The following COL22A1 variants were observed in gnomAD, a reference collection of about 807,000 sequenced individuals.
The protein encoded by COL22A1 is collagen alpha-1(XXII) chain.
COL22A1 carries 221 observed loss-of-function variants against 248.9 expected under a neutral mutation model. The observed-to-expected ratio is 0.89, with a 90% confidence interval of 0.80 to 0.99. The LOEUF (loss-of-function observed/expected upper bound fraction) is 0.99. COL22A1 is among the 50% of genes least tolerant of loss of function. The probability of loss-of-function intolerance (pLI) is 0.00; values close to 1 mark genes in which losing one functional copy is unlikely to be tolerated. For synonymous variants in COL22A1, 891 were observed against 793.4 expected (o/e 1.12, Z -2.07); for missense variants, 2,240 against 2,179.0 (o/e 1.03, Z -0.56).
At chr8:138,693,617 C>T (rs371087718) in intron 35 of COL22A1, 29 bp downstream of exon 35, 8 of 1,566,344 alleles carry the variant, frequency 5.1e-6, no homozygotes, top group Non-Finnish European at 6.1e-6. Context: ...GGGGCTCCCC[C>T]ACGAGGCAGG....
At chr8:138,593,343 C>T (rs1817242224) in intron 63 of COL22A1, among the ~76,000 whole-genome samples, 1 of 151,986 alleles carries the variant, frequency 6.6e-6, no homozygotes, top group Admixed American at 6.5e-5. Flanking sequence ...ATGTATCAAA[C>T]CTGCACGTTC....
At chr8:138,792,457 A>G (rs958451204) in intron 12 of COL22A1, among the ~76,000 whole-genome samples, 3 of 152,224 alleles carry the variant, frequency 2.0e-5, no homozygotes, top group African/African-American at 7.2e-5. Context: ...TCTTCTTTCA[A>G]CTGGCTCCTT....
At chr8:138,660,959 C>CAG (rs1688974250) in intron 43 of COL22A1, among the ~76,000 whole-genome samples, 1 of 72,792 alleles carries the variant, frequency 1.4e-5, no homozygotes, top group African/African-American at 3.8e-5. Context: ...CACACAGACA[C>CAG]ACACGCACAC....
chr8:138,725,505 C>T, intron 23 of COL22A1, 65 bp from the exon 24 acceptor site: 1 of 1,373,604 alleles, frequency 7.3e-7, no homozygotes, highest in East Asian at 2.4e-5. Context: ...GGACAGTGGG[C>T]ATTTGAAAGA....
intron 62 of COL22A1, among the ~76,000 whole-genome samples, chr8:138,595,167 G>GA (rs1817420291): frequency 2.6e-5 from 4 of 152,140 alleles, no homozygotes; most frequent in Admixed American, 2.6e-4. Context: ...AGGCTCTTCT[G>GA]ACTGCCTGGT....
chr8:138,771,553 A>G (rs773418664), intron 16 of COL22A1, among the ~76,000 whole-genome samples: 9 of 152,260 alleles, frequency 5.9e-5, no homozygotes, highest in Non-Finnish European at 1.2e-4. Context: ...GTCTTAAAGC[A>G]AGACTCCAAA....
intron 22 of COL22A1, among the ~76,000 whole-genome samples, chr8:138,741,709 C>A (rs965174879): frequency 6.6e-6 from 1 of 152,224 alleles, no homozygotes; most frequent in African/African-American, 2.4e-5. Context: ...GTGTGTCAAA[C>A]AGATCTGGTT....
Position 138,693,324 on chromosome 8 carries a change from C to A in COL22A1, c.2754+322G>T, listed in dbSNP as rs148300991. Among the ~76,000 whole-genome samples the A allele has an allele frequency of 6.8e-3, 1,034 of 152,214 alleles. 6 individuals carry two copies. The highest frequency in any genetic ancestry group is 6.7e-3 in the Non-Finnish European group (455 of 68,008). On this transcript the variant is annotated intron_variant, in intron 35 of 64. Transcript: ENST00000303045. ...TTCTCTGGTTTGTAGAGTACATGTA[C>A]GTGGTTGTGCATGTAAGCACACTTC... is the stretch of plus-strand genomic sequence containing the variant.
intron 7 of COL22A1, among the ~76,000 whole-genome samples, chr8:138,815,963 C>T (rs544074979): frequency 1.3e-5 from 2 of 152,316 alleles, no homozygotes; most frequent in Non-Finnish European, 2.9e-5. Context: ...ACCCCACTGA[C>T]TTTGTTCAGC....
intron 32 of COL22A1, among the ~76,000 whole-genome samples, chr8:138,698,701 C>T (rs1397902259): frequency 6.7e-6 from 1 of 150,234 alleles, no homozygotes; most frequent in Non-Finnish European, 1.5e-5. Flanking sequence ...GAGAGAGGTG[C>T]TGTGTCCCTC....
chr8:138,831,720 G>C (rs774962980), intron 5 of COL22A1, among the ~76,000 whole-genome samples: 7 of 152,152 alleles, frequency 4.6e-5, no homozygotes, highest in Non-Finnish European at 1.0e-4. Flanking sequence ...GGCCACAAAG[G>C]CAGGACAGGG....
intron 22 of COL22A1, among the ~76,000 whole-genome samples, chr8:138,750,619 T>C (rs954532471): frequency 6.6e-6 from 1 of 152,166 alleles, no homozygotes; most frequent in Non-Finnish European, 1.5e-5. Context: ...CAGGACTCCA[T>C]TCCTACCCAC....
intron 1 of COL22A1, among the ~76,000 whole-genome samples, chr8:138,911,338 C>T (rs533791129): frequency 6.6e-6 from 1 of 152,314 alleles, no homozygotes; most frequent in African/African-American, 2.4e-5. Flanking sequence ...GAAGACCTTT[C>T]TATGGTAGTA....
intron 41 of COL22A1, among the ~76,000 whole-genome samples, chr8:138,668,046 T>A (rs1824667113): frequency 6.6e-6 from 1 of 152,150 alleles, no homozygotes; most frequent in South Asian, 2.1e-4. Flanking sequence ...ATATGTTTAT[T>A]TGGATCTTAA....
At chr8:138,704,717 C>CTCCTCCTCCAAA (rs1828265291) in intron 30 of COL22A1, among the ~76,000 whole-genome samples, 4 of 152,170 alleles carry the variant, frequency 2.6e-5, no homozygotes, top group Non-Finnish European at 5.9e-5. Flanking sequence ...CAGAGCGCCT[C>CTCCTCCTCCAAA]GCCTCCTCCA....
At chr8:138,783,754 A>C (rs1266657159) in intron 12 of COL22A1, among the ~76,000 whole-genome samples, 1 of 152,216 alleles carries the variant, frequency 6.6e-6, no homozygotes. Flanking sequence ...GAGCATTTCC[A>C]AAGGAAATGG....
At chr8:138,842,970 T>C (rs1820996768) in intron 4 of COL22A1, among the ~76,000 whole-genome samples, 1 of 152,126 alleles carries the variant, frequency 6.6e-6, no homozygotes, top group South Asian at 2.1e-4. Context: ...GAGTATGGCA[T>C]GAGGCCAGTT....
At chr8:138,622,620 T>C (rs1819895977) in intron 52 of COL22A1, among the ~76,000 whole-genome samples, 1 of 152,190 alleles carries the variant, frequency 6.6e-6, no homozygotes, top group Non-Finnish European at 1.5e-5. Context: ...GGACAGGAAC[T>C]ACTTTTATGC....
At chr8:138,856,649 A>G (rs2131932963) in intron 3 of COL22A1, among the ~76,000 whole-genome samples, 1 of 151,468 alleles carries the variant, frequency 6.6e-6, no homozygotes, top group East Asian at 1.9e-4. Flanking sequence ...AGAAACAGAG[A>G]CAGAGACACA....
Sources: gnomAD v4.1 joint callset for allele counts (sites outside exome capture counted in the v4.1 genomes callset) on GRCh38, gnomAD v4.1.1 for gene constraint, MANE v1.5 for transcripts, NCBI Gene and HGNC (gene_info 2026-07-23, HGNC 2026-07-21) for gene names.